Variants in SMCHD1 observed in about 807,000 individuals in gnomAD.
SMCHD1 encodes structural maintenance of chromosomes flexible hinge domain containing 1.
In SMCHD1, 78 loss-of-function variants were observed where a neutral mutation model predicts 254.7. The observed-to-expected ratio is 0.31, with a 90% CI of 0.26 to 0.37. The LOEUF (loss-of-function observed/expected upper bound fraction) is 0.37, where lower values mean the gene tolerates loss of function less well. Among genes scored for constraint, SMCHD1 ranks in the 10% least tolerant of loss-of-function variants. SMCHD1 has a pLI of 1.00. For missense variants in SMCHD1, 1,840 were observed against 2,408.1 expected (o/e 0.76, Z 4.94); for synonymous variants, 766 against 794.9 (o/e 0.96, Z 0.61).
chr18:2,721,616 A>G (rs908481471), intron 19 of SMCHD1, among the ~76,000 whole-genome samples: 1 of 152,196 alleles, frequency 6.6e-6, no homozygotes, highest in Non-Finnish European at 1.5e-5. Context: ...GGTGATACCA[A>G]GAAGTGGACA....
chr18:2,722,449 T>C, intron 19 of SMCHD1, 70 bp from the exon 20 acceptor site: 1 of 1,271,232 alleles, frequency 7.9e-7, no homozygotes, highest in Non-Finnish European at 1.1e-6. Context: ...GAAATGGATC[T>C]GTTTTTGACC....
At chr18:2,716,619 G>A (rs1175879585) in intron 17 of SMCHD1, among the ~76,000 whole-genome samples, 1 of 152,186 alleles carries the variant, frequency 6.6e-6, no homozygotes, top group Non-Finnish European at 1.5e-5. Context: ...CCCTTGCAGG[G>A]GTTGCAAGGC....
chr18:2,657,767 A>G (rs532360220), intron 1 of SMCHD1, among the ~76,000 whole-genome samples: 1 of 152,300 alleles, frequency 6.6e-6, no homozygotes, highest in South Asian at 2.1e-4. Context: ...ATTTGCTACC[A>G]CTATTTACAT....
intron 5 of SMCHD1, among the ~76,000 whole-genome samples, chr18:2,679,111 G>A (rs1448161642): frequency 2.3e-4 from 34 of 150,478 alleles, no homozygotes; most frequent in African/African-American, 8.0e-4. Flanking sequence ...CTCCCGAAGT[G>A]CTGGGATTAC....
chr18:2,695,051 T>C (rs1354111374), intron 8 of SMCHD1, among the ~76,000 whole-genome samples: 2 of 9,536 alleles, frequency 2.1e-4, no homozygotes, highest in Non-Finnish European at 1.0e-3. Context: ...ACCATATATA[T>C]TTATTTTTGT....
At chr18:2,763,396 C>T (rs2075818823) in intron 36 of SMCHD1, among the ~76,000 whole-genome samples, 1 of 152,092 alleles carries the variant, frequency 6.6e-6, no homozygotes, top group African/African-American at 2.4e-5. Context: ...AAATGGGAGT[C>T]CTTGTAATTT....
At chr18:2,735,534 ACT>A (rs1409133061) in intron 25 of SMCHD1, among the ~76,000 whole-genome samples, 1 of 152,112 alleles carries the variant, frequency 6.6e-6, no homozygotes, top group African/African-American at 2.4e-5. Flanking sequence ...AACACTAAAG[ACT>A]CTGGCAAAAT....
intron 34 of SMCHD1, 92 bp from the exon 35 acceptor site, chr18:2,760,560 T>C: frequency 1.3e-6 from 1 of 742,634 alleles, no homozygotes; most frequent in South Asian, 1.6e-5. Context: ...TACTCATTTA[T>C]TTTTGTGGAA....
At chr18:2,673,938 TTTTTCATGTTTAAC>T in intron 4 of SMCHD1, 63 bp from the exon 5 acceptor site, 1 of 1,414,874 alleles carries the variant, frequency 7.1e-7, no homozygotes, top group African/African-American at 1.5e-5. Flanking sequence ...TTGAATCATT[TTTTTCATGTTTAAC>T]TTTTCATGTT....
chr18:2,669,099 A>G (rs1448791479), intron 3 of SMCHD1, among the ~76,000 whole-genome samples: 1 of 152,068 alleles, frequency 6.6e-6, no homozygotes, highest in Non-Finnish European at 1.5e-5. Context: ...TAATCCCAGC[A>G]CTTTGAGAGT....
chr18:2,789,816 C>G (rs550787374), intron 45 of SMCHD1, among the ~76,000 whole-genome samples: 1 of 152,156 alleles, frequency 6.6e-6, no homozygotes, highest in Admixed American at 6.5e-5. Context: ...AATAGAAATA[C>G]TTTTAAAATG....
chr18:2,720,801 C>T (rs1255131931), intron 19 of SMCHD1, among the ~76,000 whole-genome samples: 1 of 152,118 alleles, frequency 6.6e-6, no homozygotes, highest in East Asian at 1.9e-4. Flanking sequence ...TTTTAAAATA[C>T]AGACAGGGTC....
At chr18:2,748,948 A>G (rs1361773494) in intron 30 of SMCHD1, among the ~76,000 whole-genome samples, 1 of 152,252 alleles carries the variant, frequency 6.6e-6, no homozygotes, top group Non-Finnish European at 1.5e-5. Context: ...TGAAAAGGTG[A>G]TCTTAAAAGT....
rs1265553623 is a variant in SMCHD1 at position 2,803,883 on chromosome 18, G to A, written c.*1331G>A. On this transcript the variant is annotated 3_prime_UTR_variant, in exon 48 of 48. Coordinates refer to ENST00000320876, the MANE Select transcript of SMCHD1 (RefSeq NM_015295.3). ...TGTGGGGTTTTTAAATTATTATTTT[G>A]GAATATTTGCATTATATTTACCAAT... 1 of 151,884 alleles carries A rather than the reference G, an allele frequency of 6.6e-6. No homozygotes were observed. Among genetic ancestry groups the A allele is most frequent in the Non-Finnish European group, 1.5e-5 (1 of 67,978 alleles). The allele number at this position is 151,884 out of a possible 1,614,324, so 9.4% of individuals were successfully genotyped here.
At position 2,700,646 on chromosome 18, in the gene SMCHD1, A is replaced by G. The variant is rs1347835431; in HGVS notation, c.1450A>G (p.Thr484Ala). 4 of 1,607,474 alleles carry G rather than the reference A, an allele frequency of 2.5e-6. No homozygotes were observed. Among genetic ancestry groups the G allele is most frequent in the Non-Finnish European group, 3.4e-6 (4 of 1,177,350 alleles). The change falls in exon 11 of 48, where the codon ACA becomes GCA. Residue 484 changes from threonine to alanine, a missense_variant. Around this residue, in one of 9 missense-constraint regions of SMCHD1, gnomAD observed 498 missense variants for 743.5 expected, o/e 0.67. Transcript: ENST00000320876. ...CFWNGRLIPY[T>A]SVEDFDWCTP... ...TTGGAATGGACGATTAATACCATATACATCAGTTGAAGAGTAAGTTTGATT... is the reference window on the plus strand; with the variant it reads ...TTGGAATGGACGATTAATACCATATGCATCAGTTGAAGAGTAAGTTTGATT...
At chr18:2,728,624 G>A (rs1440048543) in intron 23 of SMCHD1, 28 bp downstream of exon 23, 8 of 1,603,966 alleles carry the variant, frequency 5.0e-6, no homozygotes, top group Non-Finnish European at 6.8e-6. Flanking sequence ...TATTTAGATT[G>A]AGTCCCATTG....
chr18:2,743,423 AAAT>A (rs2075388836), intron 28 of SMCHD1, among the ~76,000 whole-genome samples: 1 of 152,204 alleles, frequency 6.6e-6, no homozygotes, highest in Non-Finnish European at 1.5e-5. Flanking sequence ...TATATCTGGT[AAAT>A]AATGTTGCAA....
chr18:2,796,726 A>G, intron 47 of SMCHD1: 1 of 508,628 alleles, frequency 2.0e-6, no homozygotes, highest in Non-Finnish European at 3.4e-6. Context: ...CATTACAGGC[A>G]TGCACCACCA....
At chr18:2,756,817 T>C (rs1394772169) in intron 34 of SMCHD1, among the ~76,000 whole-genome samples, 1 of 152,198 alleles carries the variant, frequency 6.6e-6, no homozygotes. Flanking sequence ...TGTCAGACTA[T>C]TAATTTTATC....
Sources: gnomAD v4.1 joint callset for allele counts (sites outside exome capture counted in the v4.1 genomes callset) on GRCh38, gnomAD v4.1.1 for gene constraint, gnomAD v4.1.1 regional missense constraint, MANE v1.5 for transcripts, NCBI Gene and HGNC (gene_info 2026-07-23, HGNC 2026-07-21) for gene names.